The following COP1 variants were observed in gnomAD, a reference collection of about 807,000 sequenced individuals.
COP1 encodes the protein E3 ubiquitin-protein ligase COP1.
COP1 carries 24 observed loss-of-function variants against 101.3 expected under a neutral mutation model. The ratio of observed to expected loss-of-function variants is 0.24; its 90% CI spans 0.17 to 0.33. The LOEUF (loss-of-function observed/expected upper bound fraction) is 0.33, where lower values mean the gene tolerates loss of function less well. COP1 is among the 10% of genes least tolerant of loss of function. The pLI is 1.00. For synonymous variants in COP1, 347 were observed against 341.9 expected (o/e 1.01, Z -0.17); for missense variants, 663 against 906.2 (o/e 0.73, Z 3.45).
Position 176,206,940 on chromosome 1 carries a change from C to T in COP1, c.39G>A (p.Gly13=). 6.9e-7 allele frequency: 1 copy of T among 1,452,036 alleles called. No individual in the cohort carries two copies. The highest frequency in any genetic ancestry group is 9.0e-7 in the Non-Finnish European group (1 of 1,106,448). The allele number at this position is 1,452,036 out of a possible 1,614,324, so 89.9% of individuals were successfully genotyped here. Residue 13 remains glycine (G), a synonymous_variant, in exon 1 of 20, where the codon GGG becomes GGA. Coordinates refer to ENST00000367669, the MANE Select transcript of COP1 (RefSeq NM_022457.7). ...GSRQAGSGSA[G]TSPGSSAASS... is the part of the protein sequence containing the mutation. ...AGGCCGCCGAGGACCCGGGGCTTGT[C>T]CCAGCGGAGCCCGACCCGGCCTGGC...
chr1:175,997,108 A>C lies in COP1; in HGVS notation c.1730-7629T>G, dbSNP rs2148824505. Among the ~76,000 whole-genome samples the C allele has an allele frequency of 2.0e-5, 3 of 152,150 alleles. 1 individual carries two copies. Among genetic ancestry groups the C allele is most frequent in the Middle Eastern group, 6.8e-3 (2 of 294 alleles). ...GAAATAATGCCGCGTACCTACAACTATCTGATCTTTGACAAACCTGACAAA... is the reference window on the plus strand; with the variant it reads ...GAAATAATGCCGCGTACCTACAACTCTCTGATCTTTGACAAACCTGACAAA... On this transcript the variant is annotated intron_variant, in intron 15 of 19. Transcript: ENST00000367669.
intron 9 of COP1, among the ~76,000 whole-genome samples, chr1:176,109,094 G>A (rs1341601237): frequency 2.0e-5 from 3 of 152,092 alleles, no homozygotes; most frequent in Non-Finnish European, 4.4e-5. Context: ...CCTGGCGACA[G>A]AGTGAGACTC....
Position 176,081,142 on chromosome 1 carries a change from C to A in COP1, c.1277+10G>T, listed in dbSNP as rs1347443299. On this transcript the variant is annotated intron_variant, in intron 11 of 19. Coordinates refer to ENST00000367669, the MANE Select transcript of COP1 (RefSeq NM_022457.7). ...TTACAAAAGAAAATAGTAATTTGAC[C>A]AATACTTACCTAGAGACTATACTGG... The A allele has an allele frequency of 6.3e-7, 1 of 1,582,062 alleles. No homozygotes were observed. The highest frequency in any genetic ancestry group is 8.6e-7 in the Non-Finnish European group (1 of 1,162,984).
chr1:175,958,749 T>A (rs1650982351), intron 18 of COP1, among the ~76,000 whole-genome samples: 1 of 151,884 alleles, frequency 6.6e-6, no homozygotes, highest in Non-Finnish European at 1.5e-5. Context: ...AGTGGAAAAA[T>A]TCCTATAAAA....
At chr1:175,980,747 A>G (rs1007703221) in intron 18 of COP1, among the ~76,000 whole-genome samples, 1 of 152,100 alleles carries the variant, frequency 6.6e-6, no homozygotes, top group Admixed American at 6.6e-5. Flanking sequence ...TAAAGGAGTA[A>G]TAAGTGTCCT....
chr1:176,007,312 A>G (rs1159072279), intron 15 of COP1, among the ~76,000 whole-genome samples: 1 of 151,974 alleles, frequency 6.6e-6, no homozygotes, highest in Non-Finnish European at 1.5e-5. Context: ...GCTCAGAGTA[A>G]TTTGATCGTC....
At chr1:175,993,244 A>G (rs1332930164) in intron 15 of COP1, among the ~76,000 whole-genome samples, 1 of 152,236 alleles carries the variant, frequency 6.6e-6, no homozygotes, top group African/African-American at 2.4e-5. Flanking sequence ...ACCCATCTGT[A>G]TATCACCACC....
At chr1:175,973,738 A>G (rs1653832705) in intron 18 of COP1, among the ~76,000 whole-genome samples, 1 of 152,226 alleles carries the variant, frequency 6.6e-6, no homozygotes, top group Non-Finnish European at 1.5e-5. Context: ...ATCTAATGGT[A>G]TTTATCTACC....
Position 175,989,393 on chromosome 1 carries a change from T to C in COP1, c.1816A>G (p.Lys606Glu). ...KGHRKAVSYA[K>E]FVSGEEIVSA... ...ACAATTTCCTCACCACTCACAAACT[T>C]TGCATAAGAGACTGCTTTACGGTGT... The change falls in exon 16 of 20, where the codon AAG becomes GAG. Residue 606 changes from lysine to glutamate, a missense_variant. Around this residue, in one of 4 missense-constraint regions of COP1, gnomAD observed 209 missense variants for 383.3 expected, o/e 0.55. Transcript: ENST00000367669. 6.2e-7 allele frequency: 1 copy of C among 1,603,404 alleles called. No individual in the cohort carries two copies. The highest frequency in any genetic ancestry group is 8.5e-7 in the Non-Finnish European group (1 of 1,170,272).
chr1:176,053,101 T>C (rs1230172385), intron 11 of COP1, among the ~76,000 whole-genome samples: 1 of 152,102 alleles, frequency 6.6e-6, no homozygotes, highest in African/African-American at 2.4e-5. Context: ...TCAAAAAATA[T>C]GTGCACTTTT....
At chr1:175,972,694 GA>G (rs1653552966) in intron 18 of COP1, among the ~76,000 whole-genome samples, 1 of 151,530 alleles carries the variant, frequency 6.6e-6, no homozygotes, top group Non-Finnish European at 1.5e-5. Flanking sequence ...TCAAATCCCT[GA>G]CCTCAGGTGA....
intron 17 of COP1, among the ~76,000 whole-genome samples, chr1:175,987,542 C>T (rs1263521241): frequency 6.6e-6 from 1 of 152,136 alleles, no homozygotes; most frequent in Non-Finnish European, 1.5e-5. Flanking sequence ...CTTACACAGG[C>T]AGATTTTCAT....
intron 17 of COP1, among the ~76,000 whole-genome samples, chr1:175,987,615 G>A (rs1209056934): frequency 6.6e-6 from 1 of 152,070 alleles, no homozygotes; most frequent in Non-Finnish European, 1.5e-5. Flanking sequence ...TCTATGAACT[G>A]TATTTTTATT....
intron 18 of COP1, among the ~76,000 whole-genome samples, chr1:175,979,813 T>A (rs570328555): frequency 6.6e-6 from 1 of 152,194 alleles, no homozygotes; most frequent in African/African-American, 2.4e-5. Flanking sequence ...ATTAGAAGTA[T>A]CTCCCAACTC....
intron 5 of COP1, among the ~76,000 whole-genome samples, chr1:176,151,366 A>AAAGAAAGAAAGAAAGAAAG (rs1692497477): frequency 2.5e-5 from 2 of 79,612 alleles, no homozygotes; most frequent in East Asian, 1.4e-3. Context: ...AGAAAGAAAG[A>AAAGAAAGAAAGAAAGAAAG]AAGAAAGAAA....
At chr1:175,964,996 A>T (rs1217507098) in intron 18 of COP1, among the ~76,000 whole-genome samples, 2 of 152,232 alleles carry the variant, frequency 1.3e-5, no homozygotes, top group African/African-American at 4.8e-5. Context: ...CACTCATACA[A>T]AGATGATTTC....
At chr1:176,108,983 G>A (rs933664906) in intron 9 of COP1, among the ~76,000 whole-genome samples, 4 of 151,854 alleles carry the variant, frequency 2.6e-5, no homozygotes, top group East Asian at 1.9e-4. Flanking sequence ...GCGGTGGTGC[G>A]CACCTGCAGT....
At chr1:175,967,570 G>C (rs1205990083) in intron 18 of COP1, among the ~76,000 whole-genome samples, 1 of 152,170 alleles carries the variant, frequency 6.6e-6, no homozygotes, top group African/African-American at 2.4e-5. Flanking sequence ...GAGGTAGGTG[G>C]GAGCAACCTC....
At position 176,079,915 on chromosome 1, in the gene COP1, C is replaced by T. The variant is rs1297330000; in HGVS notation, c.1277+1237G>A. Among the ~76,000 whole-genome samples the T allele has an allele frequency of 4.0e-5, 6 of 151,872 alleles. No individual in the cohort carries two copies. The Middle Eastern group carries it at 0.014, about 347-fold the overall frequency. On this transcript the variant is annotated intron_variant, in intron 11 of 19. Transcript: ENST00000367669. Reference sequence around the variant, plus strand: ...GGGTGCAGTTGTAGTCCCAGCTACTCGGGAAGCTGAGGCATGAGGACTGCA... The same window carrying T: ...GGGTGCAGTTGTAGTCCCAGCTACTTGGGAAGCTGAGGCATGAGGACTGCA...
Sources: gnomAD v4.1 joint callset for allele counts (sites outside exome capture counted in the v4.1 genomes callset) on GRCh38, gnomAD v4.1.1 for gene constraint, gnomAD v4.1.1 regional missense constraint, MANE v1.5 for transcripts, NCBI Gene and HGNC (gene_info 2026-07-23, HGNC 2026-07-21) for gene names.